Variants in PARD3B observed in about 807,000 individuals in gnomAD.
PARD3B encodes partitioning defective 3 homolog B.
PARD3B carries 103 observed loss-of-function variants against 130.2 expected under a neutral mutation model. That is an observed-to-expected ratio of 0.79 (90% CI 0.67 to 0.93). The LOEUF (loss-of-function observed/expected upper bound fraction) is 0.93, where lower values mean the gene tolerates loss of function less well. PARD3B is among the 40% of genes least tolerant of loss of function. The pLI is 0.00. For missense variants in PARD3B, 1,609 were observed against 1,499.2 expected (o/e 1.07, Z -1.21); for synonymous variants, 583 against 553.2 (o/e 1.05, Z -0.76).
In PARD3B at chr2:205,309,162, T is replaced by G. The variant is rs544075353; in HGVS notation, c.2630+7461T>G. Among the ~76,000 whole-genome samples, 2 of 152,232 alleles carry G rather than the reference T, an allele frequency of 1.3e-5. No homozygotes were observed. The highest frequency in any genetic ancestry group is 2.4e-5 in the African/African-American group (1 of 41,468). ...AAAAACTAACCCAAACTGTGTCTGTTTTAGTACACAAAACCCTAGGATACC... is the reference window on the plus strand; with the variant it reads ...AAAAACTAACCCAAACTGTGTCTGTGTTAGTACACAAAACCCTAGGATACC... On this transcript the variant is annotated intron_variant, in intron 18 of 22. Transcript: ENST00000406610. This position sits in a 1 kb window ranked among gnomAD's most constrained non-coding sequence, Gnocchi z 4.7.
intron 18 of PARD3B, among the ~76,000 whole-genome samples, chr2:205,308,479 C>T (rs1353033373): frequency 3.3e-5 from 5 of 151,734 alleles, no homozygotes; most frequent in East Asian, 1.9e-4. Context: ...TGGTGGCGGG[C>T]GCCTGTAGTC....
intron 2 of PARD3B, among the ~76,000 whole-genome samples, chr2:204,803,916 G>A (rs773654510): frequency 1.3e-5 from 2 of 152,108 alleles, no homozygotes; most frequent in East Asian, 1.9e-4. Context: ...AGATTTGCTA[G>A]GTGGGTTGAA....
chr2:204,774,948 G>A (rs753805365), intron 2 of PARD3B, among the ~76,000 whole-genome samples: 3 of 151,996 alleles, frequency 2.0e-5, no homozygotes, highest in East Asian at 1.9e-4. Context: ...AACTCTTTCC[G>A]CTTATGACAG....
intron 20 of PARD3B, among the ~76,000 whole-genome samples, chr2:205,450,365 C>A (rs1169700669): frequency 3.3e-5 from 5 of 151,610 alleles, no homozygotes; most frequent in Admixed American, 3.3e-4. Context: ...CCAGCCTCAA[C>A]TCCTGCCAGT....
intron 3 of PARD3B, among the ~76,000 whole-genome samples, chr2:205,002,232 C>G (rs1029996674): frequency 6.6e-5 from 10 of 152,154 alleles, no homozygotes; most frequent in Non-Finnish European, 2.9e-5. Flanking sequence ...TCAAACAGCC[C>G]TGTTTCATCC....
At chr2:204,926,068 A>G (rs2030486659) in intron 2 of PARD3B, among the ~76,000 whole-genome samples, 1 of 152,056 alleles carries the variant, frequency 6.6e-6, no homozygotes, top group Non-Finnish European at 1.5e-5. Context: ...GCACCTTTAT[A>G]AGAGTGTGAG....
chr2:204,613,736 A>C (rs977756261), intron 1 of PARD3B, among the ~76,000 whole-genome samples: 14 of 151,670 alleles, frequency 9.2e-5, no homozygotes, highest in African/African-American at 3.4e-4. Flanking sequence ...ACTTTGTTTT[A>C]TTCCTTTTAA....
intron 2 of PARD3B, among the ~76,000 whole-genome samples, chr2:204,963,036 T>C (rs1690891181): frequency 6.6e-6 from 1 of 152,200 alleles, no homozygotes; most frequent in South Asian, 2.1e-4. Flanking sequence ...TTACAGACAG[T>C]AGACAGTCTT....
intron 2 of PARD3B, among the ~76,000 whole-genome samples, chr2:204,771,587 G>A (rs2041384953): frequency 6.6e-6 from 1 of 152,080 alleles, no homozygotes; most frequent in Non-Finnish European, 1.5e-5. Context: ...CCACCTGGGT[G>A]ATGGGATCAA....
At chr2:204,998,440 G>GTGTATATATATGTGTATATTATATA (rs1694511403) in intron 3 of PARD3B, among the ~76,000 whole-genome samples, 2 of 17,402 alleles carry the variant, frequency 1.1e-4, no homozygotes, top group Admixed American at 1.0e-3. Flanking sequence ...ATATATGTGT[G>GTGTATATATATGTGTATATTATATA]TGTATATATA....
At chr2:204,747,726 A>G (rs2040300857) in intron 2 of PARD3B, among the ~76,000 whole-genome samples, 1 of 152,200 alleles carries the variant, frequency 6.6e-6, no homozygotes, top group Non-Finnish European at 1.5e-5. Flanking sequence ...GTACCAAAAC[A>G]GAGATATAGA....
chr2:205,512,924 C>T lies in PARD3B; in HGVS notation c.3180+12893C>T, dbSNP rs1444980263. 5.6e-5 allele frequency among the ~76,000 whole-genome samples: 8 copies of T among 142,918 alleles called. No individual in the cohort carries two copies. The South Asian group carries it at 1.7e-3, about 30-fold the overall frequency. 93.8% of individuals were successfully genotyped at this position (142,918 alleles called of 152,430 possible). ...CCATGATCACTAATTGGCAGAGCCA[C>T]AGCTTGTTTCTCAGTAGCAAATTTA... On this transcript the variant is annotated intron_variant, in intron 21 of 22. Coordinates refer to ENST00000406610, the MANE Select transcript of PARD3B (RefSeq NM_001302769.2).
At chr2:205,001,578 G>A (rs539932006) in intron 3 of PARD3B, among the ~76,000 whole-genome samples, 5 of 152,310 alleles carry the variant, frequency 3.3e-5, no homozygotes, top group African/African-American at 1.2e-4. Flanking sequence ...GGCCTTCCTG[G>A]TTGGCACGTG....
At chr2:204,920,490 A>G (rs542629005) in intron 2 of PARD3B, among the ~76,000 whole-genome samples, 1 of 152,314 alleles carries the variant, frequency 6.6e-6, no homozygotes, top group African/African-American at 2.4e-5. Flanking sequence ...GTTTGAGGCT[A>G]GGAAAGAAGA....
At chr2:205,189,875 C>T (rs1216993133) in intron 14 of PARD3B, among the ~76,000 whole-genome samples, 1 of 151,964 alleles carries the variant, frequency 6.6e-6, no homozygotes. Flanking sequence ...AAAGGGGGGG[C>T]CCTTTTATGA....
At chr2:205,212,331 G>A (rs541942594) in intron 15 of PARD3B, among the ~76,000 whole-genome samples, 59 of 152,210 alleles carry the variant, frequency 3.9e-4, no homozygotes, top group Non-Finnish European at 6.0e-4. Flanking sequence ...ACGTTTCCAG[G>A]CTTCAAGAAT....
At chr2:204,697,761 C>A (rs997785579) in intron 2 of PARD3B, among the ~76,000 whole-genome samples, 4 of 152,044 alleles carry the variant, frequency 2.6e-5, no homozygotes, top group Non-Finnish European at 5.9e-5. Context: ...CAACTTGAAG[C>A]CCATATGGTT....
At chr2:205,559,356 G>A (rs2053039359) in intron 22 of PARD3B, among the ~76,000 whole-genome samples, 1 of 152,022 alleles carries the variant, frequency 6.6e-6, no homozygotes, top group African/African-American at 2.4e-5. Flanking sequence ...AAGTTGCCCA[G>A]GCTGGTCTCG....
rs2033057588 is a variant in PARD3B, at chr2:205,142,680, C to A, written c.1435-16042C>A. Reference sequence around the variant, plus strand: ...GGATCAAGAGGTCAGGAGTTTGAGACCAACCTGGTCAACATGGTGAAACCC... The same window carrying A: ...GGATCAAGAGGTCAGGAGTTTGAGAACAACCTGGTCAACATGGTGAAACCC... On this transcript the variant is annotated intron_variant, in intron 10 of 22. Coordinates refer to ENST00000406610, the MANE Select transcript of PARD3B (RefSeq NM_001302769.2). The surrounding 1 kb of genome is among the most constrained non-coding windows in gnomAD (Gnocchi z 4.3). Among the ~76,000 whole-genome samples, 1 of 151,968 alleles carries A rather than the reference C, an allele frequency of 6.6e-6. No individual in the cohort carries two copies. Among genetic ancestry groups the A allele is most frequent in the South Asian group, 2.1e-4 (1 of 4,814 alleles).
Sources: gnomAD v4.1 joint callset for allele counts (sites outside exome capture counted in the v4.1 genomes callset) on GRCh38, gnomAD v4.1.1 for gene constraint, Gnocchi (gnomAD v3.1) non-coding constraint, MANE v1.5 for transcripts, NCBI Gene and HGNC (gene_info 2026-07-23, HGNC 2026-07-21) for gene names.